GRIP1: variants seen among roughly 807,000 people sequenced by gnomAD.
GRIP1 encodes glutamate receptor interacting protein 1, also known as glutamate receptor-interacting protein 1.
A neutral mutation model predicts 129.9 loss-of-function variants in GRIP1; 45 were observed. The observed-to-expected ratio is 0.35, with a 90% confidence interval of 0.27 to 0.44. The LOEUF (loss-of-function observed/expected upper bound fraction) is 0.44. Among genes scored for constraint, GRIP1 ranks in the 20% least tolerant of loss-of-function variants. The pLI is 1.00. For missense variants in GRIP1, 1,196 were observed against 1,396.8 expected (o/e 0.86, Z 2.29); for synonymous variants, 530 against 520.8 (o/e 1.02, Z -0.24).
At chr12:66,817,747 TA>T (rs1379920482) in intron 1 of GRIP1, among the ~76,000 whole-genome samples, 2 of 152,186 alleles carry the variant, frequency 1.3e-5, no homozygotes, top group African/African-American at 4.8e-5. Flanking sequence ...ACTAATTTAT[TA>T]AGCAACAAAT....
intron 1 of GRIP1, among the ~76,000 whole-genome samples, chr12:66,598,574 A>G (rs963636743): frequency 2.0e-5 from 3 of 152,198 alleles, no homozygotes; most frequent in Admixed American, 6.5e-5. Flanking sequence ...TTGCCTCACC[A>G]TTGTCACTTG....
chr12:66,976,744 G>A (rs971971500), intron 1 of GRIP1, among the ~76,000 whole-genome samples: 5 of 152,178 alleles, frequency 3.3e-5, no homozygotes, highest in Non-Finnish European at 7.3e-5. Context: ...TAAGTATGAT[G>A]TGTCTGGCCA....
At chr12:66,459,596 C>T (rs984547801) in intron 9 of GRIP1, among the ~76,000 whole-genome samples, 1 of 152,152 alleles carries the variant, frequency 6.6e-6, no homozygotes, top group Admixed American at 6.5e-5. Flanking sequence ...TCAGACTGTG[C>T]CAATTGCTAC....
In GRIP1 at chr12:66,787,553, A is replaced by AT. The variant is rs1292919398; in HGVS notation, c.-420+16499dup. ...TAAGAAGTGAAGCCTTGGGGAGGTG[A>AT]TTAGATCATGAGGGCAGGGCACAGC... On this transcript the variant is annotated intron_variant, in intron 1 of 4. Coordinates refer to the GRIP1 transcript ENST00000538373. Among the ~76,000 whole-genome samples the AT allele has an allele frequency of 3.9e-5, 6 of 152,136 alleles. No homozygotes were observed. The East Asian group carries it at 1.2e-3, about 29-fold the overall frequency.
chr12:66,632,531 T>A (rs1447160205), intron 1 of GRIP1, among the ~76,000 whole-genome samples: 1 of 152,196 alleles, frequency 6.6e-6, no homozygotes, highest in Non-Finnish European at 1.5e-5. Context: ...GGAAGGTTTC[T>A]TCCCTTTTTC....
rs546576928 is a variant in GRIP1 at position 66,767,693 on chromosome 12, A to G, written c.-420+36360T>C. ...CAACATGAGAGAAAATTACATAACC[A>G]CTGAAGCAGAAGACAAGCAAATAAT... On this transcript the variant is annotated intron_variant, in intron 1 of 4. Transcript: ENST00000538373. Among the ~76,000 whole-genome samples the G allele has an allele frequency of 4.6e-5, 7 of 152,328 alleles. No homozygotes were observed. The East Asian group carries it at 1.3e-3, about 29-fold the overall frequency.
chr12:66,484,888 T>A (rs560695118), intron 7 of GRIP1, among the ~76,000 whole-genome samples: 10 of 152,206 alleles, frequency 6.6e-5, no homozygotes, highest in African/African-American at 2.4e-4. Context: ...ATATCCCTAT[T>A]ACTCTGAGTT....
chr12:67,025,192 T>A (rs555937160), intron 1 of GRIP1, among the ~76,000 whole-genome samples: 1 of 152,172 alleles, frequency 6.6e-6, no homozygotes, highest in East Asian at 1.9e-4. Context: ...TACAAAAAAA[T>A]TAGCCAGCTG....
chr12:66,582,989 C>T (rs1470614798), intron 2 of GRIP1, among the ~76,000 whole-genome samples: 1 of 150,998 alleles, frequency 6.6e-6, no homozygotes, highest in Non-Finnish European at 1.5e-5. Context: ...AGGCATCACG[C>T]TACCTGACTT....
upstream of GRIP1, chr12:66,804,251 G>A (rs924676392): frequency 2.3e-5 from 9 of 393,790 alleles, no homozygotes; most frequent in South Asian, 3.8e-5. Context: ...GCTGCTCTGC[G>A]AGCCGGTGGA....
At chr12:66,479,523 C>T (rs2059735127) in intron 7 of GRIP1, among the ~76,000 whole-genome samples, 1 of 152,162 alleles carries the variant, frequency 6.6e-6, no homozygotes, top group Non-Finnish European at 1.5e-5. Flanking sequence ...CCTTCTGAAA[C>T]TATTCCAAAC....
intron 2 of GRIP1, among the ~76,000 whole-genome samples, chr12:66,579,407 G>A (rs1435754161): frequency 3.9e-5 from 6 of 152,196 alleles, no homozygotes; most frequent in Non-Finnish European, 8.8e-5. Context: ...AAAGCTGGAC[G>A]GAGAATGACT....
At chr12:66,897,123 AAC>A (rs1267594431) in intron 1 of GRIP1, among the ~76,000 whole-genome samples, 1 of 152,188 alleles carries the variant, frequency 6.6e-6, no homozygotes, top group Non-Finnish European at 1.5e-5. Context: ...AACAATAATA[AAC>A]AGTTAGAAAT....
chr12:66,432,651 T>G, intron 13 of GRIP1, 23 bp from the exon 14 acceptor site: 1 of 1,364,538 alleles, frequency 7.3e-7, no homozygotes. Context: ...CAAAAAAGAA[T>G]GTGTTAATAG....
intron 1 of GRIP1, among the ~76,000 whole-genome samples, chr12:66,740,270 G>C (rs774513958): frequency 1.1e-4 from 16 of 152,128 alleles, no homozygotes; most frequent in Admixed American, 2.0e-4. Flanking sequence ...AGATGGAAAA[G>C]ATCTAATTTC....
chr12:66,937,830 A>G (rs1392782619), intron 1 of GRIP1, among the ~76,000 whole-genome samples: 1 of 152,218 alleles, frequency 6.6e-6, no homozygotes, highest in Non-Finnish European at 1.5e-5. Flanking sequence ...CTTATTGGTC[A>G]TAGTAAAGAT....
At chr12:66,522,260 C>G (rs1486194010) in intron 5 of GRIP1, among the ~76,000 whole-genome samples, 1 of 152,214 alleles carries the variant, frequency 6.6e-6, no homozygotes, top group Non-Finnish European at 1.5e-5. Context: ...CAAATAGGGG[C>G]AGACTGACAC....
At chr12:66,782,922 T>C (rs1402306138) in intron 1 of GRIP1, among the ~76,000 whole-genome samples, 1 of 152,220 alleles carries the variant, frequency 6.6e-6, no homozygotes, top group Non-Finnish European at 1.5e-5. Context: ...TAAGTAGAGA[T>C]GCCAGGATTC....
At chr12:66,353,682 A>G in intron 23 of GRIP1, 119 bp from the exon 24 acceptor site, 1 of 884,826 alleles carries the variant, frequency 1.1e-6, no homozygotes, top group Non-Finnish European at 1.9e-6. Flanking sequence ...TAATATCAGC[A>G]TCAGTCAGCT....
Sources: gnomAD v4.1 joint callset for allele counts (sites outside exome capture counted in the v4.1 genomes callset) on GRCh38, gnomAD v4.1.1 for gene constraint, MANE v1.5 for transcripts, NCBI Gene and HGNC (gene_info 2026-07-23, HGNC 2026-07-21) for gene names.